ATF6: variants seen among roughly 807,000 people sequenced by gnomAD.
The protein encoded by ATF6 is activating transcription factor 6.
A neutral mutation model predicts 83.6 loss-of-function variants in ATF6; 53 were observed. The observed-to-expected ratio is 0.63, with a 90% CI of 0.51 to 0.80. The LOEUF is 0.80. Ranked by LOEUF, ATF6 falls within the 30% of genes least tolerant of loss-of-function variation. The pLI is 0.00. For synonymous variants in ATF6, 288 were observed against 285.8 expected (o/e 1.01, Z -0.08); for missense variants, 744 against 797.9 (o/e 0.93, Z 0.81).
intron 7 of ATF6, among the ~76,000 whole-genome samples, chr1:161,812,818 C>G (rs942426385): frequency 1.0e-3 from 131 of 126,986 alleles, no homozygotes; most frequent in Admixed American, 4.4e-3. Context: ...GTGTGTGTGT[C>G]ACATAATTTT....
intron 13 of ATF6, 23 bp from the exon 14 acceptor site, chr1:161,863,175 A>G (rs768224018): frequency 7.2e-7 from 1 of 1,394,136 alleles, no homozygotes; most frequent in South Asian, 1.2e-5. Context: ...TTTTAGTAAT[A>G]CCTTATATTT....
rs34459711 is a variant in ATF6 at position 161,772,963 on chromosome 1, G to GTT, written c.83-5260_83-5259dup. 3.8e-3 allele frequency among the ~76,000 whole-genome samples: 277 copies of GTT among 73,486 alleles called. 4 individuals are homozygous for GTT. The highest frequency in any genetic ancestry group is 8.8e-3 in the African/African-American group (156 of 17,740). 48.2% of individuals were successfully genotyped at this position (73,486 alleles called of 152,430 possible). On this transcript the variant is annotated intron_variant, in intron 1 of 15. Transcript: ENST00000367942. ...GTGCCACCACTCCACTGAAACTCCT[G>GTT]TTTTTTTTTTTTTTTTTTTTTTGAG... is the stretch of plus-strand genomic sequence containing the variant.
chr1:161,797,433 C>T (rs1685047543), intron 6 of ATF6, among the ~76,000 whole-genome samples: 1 of 152,126 alleles, frequency 6.6e-6, no homozygotes, highest in Non-Finnish European at 1.5e-5. Flanking sequence ...ATAGTCTCAG[C>T]CCAAGACTCC....
chr1:161,808,742 T>G (rs1002184834), intron 7 of ATF6, among the ~76,000 whole-genome samples: 3 of 151,926 alleles, frequency 2.0e-5, no homozygotes, highest in African/African-American at 4.8e-5. Context: ...GATTTTTTTT[T>G]TTGTTTTTGT....
chr1:161,778,023 T>A (rs1167469014), intron 1 of ATF6, among the ~76,000 whole-genome samples: 1 of 152,198 alleles, frequency 6.6e-6, no homozygotes. Context: ...CCTTTTTTGA[T>A]CCCTGGTGTA....
chr1:161,824,583 T>G (rs1402063419), intron 9 of ATF6, among the ~76,000 whole-genome samples: 1 of 152,232 alleles, frequency 6.6e-6, no homozygotes, highest in African/African-American at 2.4e-5. Context: ...TTTTTATCTC[T>G]TTTGTTTTCC....
At chr1:161,924,051 G>A (rs1326753336) in intron 15 of ATF6, among the ~76,000 whole-genome samples, 1 of 152,020 alleles carries the variant, frequency 6.6e-6, no homozygotes, top group African/African-American at 2.4e-5. Flanking sequence ...CTTTGTACGG[G>A]GAAATCAAGA....
At chr1:161,856,288 T>C (rs1459463075) in intron 12 of ATF6, among the ~76,000 whole-genome samples, 3 of 152,196 alleles carry the variant, frequency 2.0e-5, no homozygotes, top group Non-Finnish European at 4.4e-5. Context: ...TCTCCAACTT[T>C]TTTCACCTAC....
chr1:161,877,233 G>GTGA (rs1487703955), intron 14 of ATF6, among the ~76,000 whole-genome samples: 1 of 152,134 alleles, frequency 6.6e-6, no homozygotes, highest in Non-Finnish European at 1.5e-5. Flanking sequence ...ATGGGTTCCA[G>GTGA]TGATAAATAA....
At chr1:161,784,863 C>T (rs1474730774) in intron 4 of ATF6, among the ~76,000 whole-genome samples, 1 of 152,206 alleles carries the variant, frequency 6.6e-6, no homozygotes, top group Non-Finnish European at 1.5e-5. Flanking sequence ...TTTAACTGGT[C>T]AGCCTTACAA....
In ATF6 at chr1:161,772,296, C is replaced by G. The variant is rs150314358; in HGVS notation, c.82+5854C>G. 4.6e-3 allele frequency among the ~76,000 whole-genome samples: 707 copies of G among 152,290 alleles called. 1 individual carries two copies. The highest frequency in any genetic ancestry group is 7.5e-3 in the Non-Finnish European group (510 of 68,022). Reference sequence around the variant, plus strand: ...CAGTTTTGCCCACTTCATGCCTGTCCTAGTATAGCTGAATCAGCTGAAGAA... The same window carrying G: ...CAGTTTTGCCCACTTCATGCCTGTCGTAGTATAGCTGAATCAGCTGAAGAA... On this transcript the variant is annotated intron_variant, in intron 1 of 15. Transcript: ENST00000367942.
chr1:161,928,842 A>G (rs1019368526), intron 15 of ATF6, among the ~76,000 whole-genome samples: 2 of 152,190 alleles, frequency 1.3e-5, no homozygotes, highest in Non-Finnish European at 2.9e-5. Flanking sequence ...TAAGATAGCT[A>G]CTAAGATCCA....
chr1:161,911,111 T>G (rs542249384), intron 14 of ATF6, among the ~76,000 whole-genome samples: 1 of 152,328 alleles, frequency 6.6e-6, no homozygotes, highest in East Asian at 1.9e-4. Context: ...TTTATTGCTC[T>G]CAGCTGTATC....
At chr1:161,808,763 G>A (rs1423903177) in intron 7 of ATF6, among the ~76,000 whole-genome samples, 2 of 151,772 alleles carry the variant, frequency 1.3e-5, no homozygotes, top group African/African-American at 4.8e-5. Flanking sequence ...AGAGATGGGG[G>A]TCTTGTTGTA....
Position 161,958,679 on chromosome 1 carries a change from T to C in ATF6, c.*25T>C, listed in dbSNP as rs1189827833. ...GCACCCTGCAGCTATGCTGGAAAAC[T>C]GAGCGTGGGACCCTGCCAGACTGAA... On this transcript the variant is annotated 3_prime_UTR_variant, in exon 16 of 16. Coordinates refer to ENST00000367942, the MANE Select transcript of ATF6 (RefSeq NM_007348.4). The C allele has an allele frequency of 6.3e-7, 1 of 1,580,032 alleles. No individual in the cohort carries two copies. Among genetic ancestry groups the C allele is most frequent in the Admixed American group, 1.7e-5 (1 of 58,032 alleles).
At chr1:161,778,197 A>G (rs765218149) in intron 1 of ATF6, 47 bp from the exon 2 acceptor site, 92 of 1,515,098 alleles carry the variant, frequency 6.1e-5, no homozygotes, top group Non-Finnish European at 8.3e-5. Context: ...TTCTTTGTCA[A>G]ATAATTGAAT....
chr1:161,790,946 GC>G (rs1258996917), intron 4 of ATF6, among the ~76,000 whole-genome samples: 1 of 152,118 alleles, frequency 6.6e-6, no homozygotes, highest in East Asian at 1.9e-4. Context: ...AAATTATTTT[GC>G]TTTTGATATT....
At chr1:161,929,860 A>G (rs1688395680) in intron 15 of ATF6, among the ~76,000 whole-genome samples, 1 of 152,214 alleles carries the variant, frequency 6.6e-6, no homozygotes. Context: ...TGTAGCCTCT[A>G]CTTGAGACCC....
chr1:161,798,184 G>A (rs893914208), intron 6 of ATF6, among the ~76,000 whole-genome samples: 4 of 152,160 alleles, frequency 2.6e-5, no homozygotes, highest in Admixed American at 1.3e-4. Flanking sequence ...AGACTTAAAT[G>A]TACAGGCTCA....
Sources: gnomAD v4.1 joint callset for allele counts (sites outside exome capture counted in the v4.1 genomes callset) on GRCh38, gnomAD v4.1.1 for gene constraint, MANE v1.5 for transcripts, NCBI Gene and HGNC (gene_info 2026-07-23, HGNC 2026-07-21) for gene names.